RNF180: variants seen among roughly 807,000 people sequenced by gnomAD.
RNF180 encodes the protein E3 ubiquitin-protein ligase RNF180.
In RNF180, 38 loss-of-function variants were observed where a neutral mutation model predicts 59.2. That is an observed-to-expected ratio of 0.64 (90% CI 0.50 to 0.84). The LOEUF (loss-of-function observed/expected upper bound fraction) is 0.84, where lower values mean the gene tolerates loss of function less well. Among genes scored for constraint, RNF180 ranks in the 40% least tolerant of loss-of-function variants. RNF180 has a pLI of 0.00. For missense variants in RNF180, 705 were observed against 700.9 expected (o/e 1.01, Z -0.07); for synonymous variants, 262 against 240.3 (o/e 1.09, Z -0.84).
At chr5:64,350,773 T>A (rs1332267136) in intron 7 of RNF180, among the ~76,000 whole-genome samples, 1 of 152,182 alleles carries the variant, frequency 6.6e-6, no homozygotes, top group Non-Finnish European at 1.5e-5. Flanking sequence ...TCTATATCTC[T>A]GTTTTGGTAC....
At chr5:64,166,460 C>G (rs1749646760) in intron 1 of RNF180, among the ~76,000 whole-genome samples, 1 of 152,212 alleles carries the variant, frequency 6.6e-6, no homozygotes. Flanking sequence ...GTCGCAGTCG[C>G]TTTTGTTGCA....
chr5:64,204,011 A>G (rs1751881733), intron 2 of RNF180, among the ~76,000 whole-genome samples: 1 of 152,208 alleles, frequency 6.6e-6, no homozygotes, highest in South Asian at 2.1e-4. Context: ...AAGTAACTGT[A>G]CAGTTAAAAA....
chr5:64,236,330 A>T (rs1235636213), intron 5 of RNF180, among the ~76,000 whole-genome samples: 3 of 152,186 alleles, frequency 2.0e-5, no homozygotes, highest in African/African-American at 7.2e-5. Context: ...TGGAACTTTG[A>T]ACTTGTGAGA....
intron 5 of RNF180, among the ~76,000 whole-genome samples, chr5:64,321,198 G>A (rs188617496): frequency 9.9e-5 from 15 of 152,216 alleles, no homozygotes; most frequent in Admixed American, 2.0e-4. Context: ...AAAAAAGGGT[G>A]GGGGGTATGC....
At chr5:64,342,944 A>G (rs1745413212) in intron 7 of RNF180, among the ~76,000 whole-genome samples, 1 of 152,120 alleles carries the variant, frequency 6.6e-6, no homozygotes. Flanking sequence ...TGAAAGTACA[A>G]CCTAACTTCA....
Position 64,213,668 on chromosome 5 carries a change from TC to T in RNF180, c.343del (p.Leu115SerfsTer16). The T allele has an allele frequency of 6.2e-7, 1 of 1,614,140 alleles. No individual in the cohort carries two copies. The highest frequency in any genetic ancestry group is 8.5e-7 in the Non-Finnish European group (1 of 1,180,004). On this transcript the variant is annotated frameshift_variant, in exon 4 of 8. Coordinates refer to ENST00000389100, the MANE Select transcript of RNF180 (RefSeq NM_001113561.2). LOFTEE classifies it high-confidence loss of function. ...CSCGQLAAVHLSKSRTDYQPT... is the reference protein window; with the variant it reads ...CSCGQLAAVHXSKSRTDYQPT... ...CCTGTGGCCAGCTTGCAGCTGTACA[TC>T]TCTCCAAGAGCCGGACTGATTATCA...
chr5:64,305,132 T>A (rs1311067132), intron 5 of RNF180, among the ~76,000 whole-genome samples: 1 of 151,732 alleles, frequency 6.6e-6, no homozygotes, highest in Non-Finnish European at 1.5e-5. Flanking sequence ...ATAACTTTTG[T>A]ATGCACTGGG....
chr5:64,241,101 A>G (rs190202840), intron 5 of RNF180, among the ~76,000 whole-genome samples: 5 of 152,356 alleles, frequency 3.3e-5, no homozygotes, highest in Admixed American at 3.3e-4. Flanking sequence ...TATTTTTAAC[A>G]TTAGATACAT....
chr5:64,182,960 G>A (rs541510335), intron 1 of RNF180, among the ~76,000 whole-genome samples: 2 of 152,306 alleles, frequency 1.3e-5, no homozygotes, highest in Admixed American at 1.3e-4. Flanking sequence ...CCATCTCGGA[G>A]CTAGTTGCTG....
intron 2 of RNF180, among the ~76,000 whole-genome samples, chr5:64,201,632 G>A (rs558223109): frequency 2.8e-4 from 42 of 152,222 alleles, no homozygotes; most frequent in East Asian, 9.7e-4. Context: ...CGTTTGTTTC[G>A]TTGTTTTACC....
chr5:64,288,626 T>C lies in RNF180; in HGVS notation c.1228-36560T>C, dbSNP rs565647331. On this transcript the variant is annotated intron_variant, in intron 5 of 7. Coordinates refer to ENST00000389100, the MANE Select transcript of RNF180 (RefSeq NM_001113561.2). ...TCCTTCACGTCCCTTGTTAGCTGTA[T>C]TCCTAGGTATTTTATTCTCTTTGTA... Among the ~76,000 whole-genome samples, 17 of 152,328 alleles carry C rather than the reference T, an allele frequency of 1.1e-4. No individual in the cohort carries two copies. The Middle Eastern group carries it at 0.01, about 91-fold the overall frequency.
chr5:64,314,415 A>G (rs1376255321), intron 5 of RNF180, among the ~76,000 whole-genome samples: 1 of 152,040 alleles, frequency 6.6e-6, no homozygotes, highest in Non-Finnish European at 1.5e-5. Context: ...ATTATCATTG[A>G]TATTGACAAT....
rs1225396356 is a variant in RNF180, at chr5:64,350,674, C to T, written c.1580-18941C>T. 7.9e-5 allele frequency among the ~76,000 whole-genome samples: 12 copies of T among 152,012 alleles called. No homozygotes were observed. In the East Asian group the frequency reaches 2.3e-3, roughly 29 times the overall value. On this transcript the variant is annotated intron_variant, in intron 7 of 7. Coordinates refer to ENST00000389100, the MANE Select transcript of RNF180 (RefSeq NM_001113561.2). The stretch of plus-strand genomic sequence containing the variant: ...CATTTATTAAATAGGGAATCCTTTC[C>T]CCATGTCTTGTTTTTGTCAGGTTTG...
At chr5:64,192,608 GT>G (rs1186823372) in intron 1 of RNF180, among the ~76,000 whole-genome samples, 2 of 151,904 alleles carry the variant, frequency 1.3e-5, no homozygotes, top group Non-Finnish European at 2.9e-5. Flanking sequence ...GGAAGCGGAG[GT>G]TGCTGTGAGC....
intron 4 of RNF180, 48 bp downstream of exon 4, chr5:64,214,565 G>A (rs967911822): frequency 1.3e-6 from 2 of 1,499,030 alleles, no homozygotes; most frequent in Non-Finnish European, 1.8e-6. Context: ...TATAAATACT[G>A]GAGTTTGGGG....
chr5:64,228,915 CTTTTTT>C (rs373212886), intron 5 of RNF180, among the ~76,000 whole-genome samples: 1 of 98,490 alleles, frequency 1.0e-5, no homozygotes, highest in Non-Finnish European at 1.9e-5. Context: ...TCTATTACTG[CTTTTTT>C]TTTTTTTTTT....
chr5:64,269,686 T>G (rs1744896769), intron 5 of RNF180, among the ~76,000 whole-genome samples: 2 of 152,166 alleles, frequency 1.3e-5, no homozygotes, highest in South Asian at 4.1e-4. Flanking sequence ...CTTTGGAAAT[T>G]GTGATTATGA....
intron 7 of RNF180, among the ~76,000 whole-genome samples, chr5:64,364,366 A>T (rs1036118770): frequency 6.6e-6 from 1 of 151,748 alleles, no homozygotes; most frequent in African/African-American, 2.4e-5. Context: ...TTATGTGACA[A>T]ATCACATTTA....
chr5:64,354,793 C>G (rs1386420746), intron 7 of RNF180, among the ~76,000 whole-genome samples: 1 of 151,206 alleles, frequency 6.6e-6, no homozygotes, highest in African/African-American at 2.4e-5. Context: ...TAAAAAAAAT[C>G]TATGTAATTT....
Sources: gnomAD v4.1 joint callset for allele counts (sites outside exome capture counted in the v4.1 genomes callset) on GRCh38, gnomAD v4.1.1 for gene constraint, MANE v1.5 for transcripts, NCBI Gene and HGNC (gene_info 2026-07-23, HGNC 2026-07-21) for gene names.